Variants in GON4L observed in about 807,000 individuals in gnomAD.
The protein encoded by GON4L is gon-4 like, also known as GON-4-like protein.
GON4L carries 87 observed loss-of-function variants against 211.8 expected under a neutral mutation model. The observed-to-expected ratio is 0.41, with a 90% CI of 0.35 to 0.49. The LOEUF is 0.49. Among genes scored for constraint, GON4L ranks in the 20% least tolerant of loss-of-function variants. GON4L has a pLI of 0.15. For missense variants in GON4L, 2,155 were observed against 2,659.5 expected, an observed-to-expected ratio of 0.81 and a Z score of 4.17; for synonymous variants, 875 against 962.6, an observed-to-expected ratio of 0.91 and a Z score of 1.68.
rs367915876 is a variant in GON4L at position 155,809,098 on chromosome 1, G to C, written c.1453-3957C>G. Among the ~76,000 whole-genome samples the C allele has an allele frequency of 6.6e-4, 100 of 152,106 alleles. No individual in the cohort carries two copies. In the South Asian group the frequency reaches 8.5e-3, roughly 13 times the overall value. ...TATATAATTTTTCTGAGTTTTTGGAGAGATGGAGTCTCACTATATTGCCTA... is the reference window on the plus strand; with the variant it reads ...TATATAATTTTTCTGAGTTTTTGGACAGATGGAGTCTCACTATATTGCCTA... On this transcript the variant is annotated intron_variant, in intron 10 of 31. Coordinates refer to ENST00000368331, the MANE Select transcript of GON4L (RefSeq NM_001282860.2).
In GON4L at chr1:155,766,726, C is replaced by G. The variant is rs1228344983; in HGVS notation, c.2764-17G>C. ...CAGACTGGCCTATTGGAAACAAGAA[C>G]ACTCTGATCCAGCATATGTCAGAAT... On this transcript the variant is annotated splice_polypyrimidine_tract_variant and intron_variant, in intron 20 of 31. Coordinates refer to ENST00000368331, the MANE Select transcript of GON4L (RefSeq NM_001282860.2). 5.0e-6 allele frequency: 8 copies of G among 1,613,836 alleles called. No individual in the cohort carries two copies. The East Asian group carries it at 1.6e-4, about 31-fold the overall frequency.
rs1661693854 is a variant in GON4L, at chr1:155,760,660, AATC to A, written c.4912-22_4912-20del. On this transcript the variant is annotated intron_variant, in intron 23 of 31. Transcript: ENST00000368331. ...CTCGCACCTACACGGGAAGACTTTC[AATC>A]ATCAACACCCTTTATTTGGGCCACA... is the stretch of plus-strand genomic sequence containing the variant. 6.5e-7 allele frequency: 1 copy of A among 1,540,764 alleles called. No homozygotes were observed. Among genetic ancestry groups the A allele is most frequent in the African/African-American group, 1.4e-5 (1 of 73,436 alleles).
At chr1:155,798,483 C>T (rs1315536913) in intron 11 of GON4L, among the ~76,000 whole-genome samples, 1 of 147,216 alleles carries the variant, frequency 6.8e-6, no homozygotes, top group Non-Finnish European at 1.5e-5. Flanking sequence ...GATCTCGGCT[C>T]GCTGCAAGCT....
At chr1:155,835,447 C>T (rs1200372272) in intron 2 of GON4L, among the ~76,000 whole-genome samples, 2 of 150,842 alleles carry the variant, frequency 1.3e-5, no homozygotes, top group African/African-American at 2.5e-5. Flanking sequence ...GCGAGAAACA[C>T]CCAAGAATGA....
intron 2 of GON4L, among the ~76,000 whole-genome samples, chr1:155,847,141 C>T (rs758199443): frequency 3.9e-5 from 6 of 152,202 alleles, no homozygotes; most frequent in Non-Finnish European, 7.3e-5. Context: ...GAGTTGAACA[C>T]CGTGAGTTCG....
intron 2 of GON4L, among the ~76,000 whole-genome samples, chr1:155,837,343 C>G (rs1670401907): frequency 6.6e-6 from 1 of 152,166 alleles, no homozygotes; most frequent in African/African-American, 2.4e-5. Flanking sequence ...TGGGTGAGTT[C>G]TCCACTGTCT....
chr1:155,831,452 TAAAAATAA>T (rs1360979173), intron 2 of GON4L: 1 of 114,300 alleles, frequency 8.7e-6, no homozygotes, highest in East Asian at 2.6e-4. Flanking sequence ...TCTGTCTCGT[TAAAAATAA>T]ATAAATAAAT....
chr1:155,777,708 T>C lies in GON4L; in HGVS notation c.2005A>G (p.Lys669Glu). The change falls in exon 15 of 32, where the codon AAG (lysine) becomes GAG (glutamate). Residue 669 changes from lysine (K) to glutamate (E), a missense_variant. Coordinates refer to ENST00000368331, the MANE Select transcript of GON4L (RefSeq NM_001282860.2). ...SSAKQLQEVE[K>E]VKPQSEKVHQ... Reference sequence around the variant, plus strand: ...ACTTTCTCACTCTGGGGTTTAACCTTCTCTACTTCCTGCAGCTGTTTGGCT... The same window carrying C: ...ACTTTCTCACTCTGGGGTTTAACCTCCTCTACTTCCTGCAGCTGTTTGGCT... 2 of 1,613,322 alleles carry C rather than the reference T, an allele frequency of 1.2e-6. No individual in the cohort carries two copies. Among genetic ancestry groups the C allele is most frequent in the South Asian group, 1.1e-5 (1 of 91,068 alleles).
At chr1:155,773,661 A>T (rs887235442) in intron 17 of GON4L, among the ~76,000 whole-genome samples, 3 of 152,112 alleles carry the variant, frequency 2.0e-5, no homozygotes, top group African/African-American at 7.2e-5. Context: ...TTTGATTCTT[A>T]CTTAAGTTCT....
At chr1:155,748,366 G>A (rs996821589), downstream of GON4L, 26 of 1,581,238 alleles carry the variant, frequency 1.6e-5, no homozygotes, top group Admixed American at 1.2e-4. Flanking sequence ...TTCCAGGCCC[G>A]AGGCCAAGTG....
downstream of GON4L, among the ~76,000 whole-genome samples, chr1:155,745,564 G>A (rs1233705831): frequency 1.3e-5 from 2 of 152,258 alleles, no homozygotes; most frequent in Non-Finnish European, 2.9e-5. Flanking sequence ...GGCGGAGACA[G>A]CGCCCACCCC....
intron 11 of GON4L, among the ~76,000 whole-genome samples, chr1:155,797,676 C>A (rs555606010): frequency 5.2e-4 from 77 of 149,448 alleles, no homozygotes; most frequent in African/African-American, 8.9e-4. Flanking sequence ...AGACCCCCCC[C>A]CTCCCGTCTC....
chr1:155,811,391 CAAA>C (rs777417019), intron 10 of GON4L, among the ~76,000 whole-genome samples: 5 of 33,168 alleles, frequency 1.5e-4, no homozygotes, highest in East Asian at 1.1e-3. Context: ...GACTCCGTCT[CAAA>C]AAAAAAAAAA....
At position 155,811,437 on chromosome 1, in the gene GON4L, G is replaced by T. The variant is rs545216014; in HGVS notation, c.1452+2197C>A. Reference sequence around the variant, plus strand: ...AAAAAAGAAAGAATAATCAATGGATGCTAATATTAGTGTGAGAAAAATAAT... The same window carrying T: ...AAAAAAGAAAGAATAATCAATGGATTCTAATATTAGTGTGAGAAAAATAAT... On this transcript the variant is annotated intron_variant, in intron 10 of 31. Coordinates refer to ENST00000368331, the MANE Select transcript of GON4L (RefSeq NM_001282860.2). Among the ~76,000 whole-genome samples the T allele has an allele frequency of 1.2e-3, 172 of 143,986 alleles. 1 individual carries two copies. The highest frequency in any genetic ancestry group is 4.2e-3 in the African/African-American group (166 of 39,360). The allele number at this position is 143,986 out of a possible 152,430, so 94.5% of individuals were successfully genotyped here. A position where few individuals can be genotyped will look rare whatever the true frequency, so the allele number is the denominator to read the frequency against.
intron 4 of GON4L, 22 bp from the exon 5 acceptor site, chr1:155,821,570 C>T (rs202023424): frequency 1.4e-4 from 197 of 1,435,306 alleles, no homozygotes; most frequent in African/African-American, 2.2e-4. Context: ...TGAAATTTCA[C>T]TTTATGCAAC....
At chr1:155,806,407 G>GT (rs1294082844) in intron 10 of GON4L, among the ~76,000 whole-genome samples, 1 of 151,980 alleles carries the variant, frequency 6.6e-6, no homozygotes, top group Non-Finnish European at 1.5e-5. Flanking sequence ...CTCCCAAAGT[G>GT]TTGGGATTAC....
intron 24 of GON4L, among the ~76,000 whole-genome samples, chr1:155,759,431 C>T (rs984726204): frequency 2.0e-5 from 3 of 151,938 alleles, no homozygotes; most frequent in African/African-American, 7.2e-5. Context: ...ATTAGCCAGG[C>T]GTGGTGGTGG....
chr1:155,840,491 T>A (rs1670671707), intron 2 of GON4L, among the ~76,000 whole-genome samples: 1 of 152,196 alleles, frequency 6.6e-6, no homozygotes, highest in Non-Finnish European at 1.5e-5. Flanking sequence ...TAAAAACTAA[T>A]CACTGCAAGG....
chr1:155,813,164 G>T (rs1261550842), intron 10 of GON4L, among the ~76,000 whole-genome samples: 3 of 152,120 alleles, frequency 2.0e-5, no homozygotes, highest in African/African-American at 7.2e-5. Context: ...AGGCACGGTG[G>T]TTCACACCAG....
Sources: gnomAD v4.1 joint callset for allele counts (sites outside exome capture counted in the v4.1 genomes callset) on GRCh38, gnomAD v4.1.1 for gene constraint, MANE v1.5 for transcripts, NCBI Gene and HGNC (gene_info 2026-07-23, HGNC 2026-07-21) for gene names.